Variants in STOML3 observed in about 807,000 individuals in gnomAD.
STOML3 encodes the protein stomatin like 3, also known as stomatin-like protein 3.
In STOML3, 31 loss-of-function variants were observed where a neutral mutation model predicts 29.5. The observed-to-expected ratio is 1.05, with a 90% CI of 0.79 to 1.42. The LOEUF is 1.42. Among genes scored for constraint, STOML3 ranks in the 40% most tolerant of loss-of-function variants. The probability of loss-of-function intolerance (pLI) is 0.00; values close to 1 mark genes in which losing one functional copy is unlikely to be tolerated. For missense variants in STOML3, 380 were observed against 363.0 expected (o/e 1.05, Z -0.38); for synonymous variants, 122 against 139.8 (o/e 0.87, Z 0.90).
At chr13:38,971,885 A>T (rs9315641) in intron 4 of STOML3, among the ~76,000 whole-genome samples, 57,131 of 151,916 alleles carry the variant, frequency 0.38, 10,955 homozygotes, top group East Asian at 0.52. Context: ...AGATTGCACC[A>T]CTGCACTCCA....
chr13:38,978,387 C>T (rs756844727), intron 1 of STOML3, among the ~76,000 whole-genome samples: 3 of 152,132 alleles, frequency 2.0e-5, no homozygotes, highest in Non-Finnish European at 2.9e-5. Context: ...CTCCTGACCT[C>T]AAGTGATTCT....
chr13:38,975,772 C>A (rs1435825472), intron 3 of STOML3, among the ~76,000 whole-genome samples: 3 of 151,890 alleles, frequency 2.0e-5, no homozygotes, highest in Non-Finnish European at 4.4e-5. Flanking sequence ...AGTTTTAGTA[C>A]CTTATAGTTT....
intron 1 of STOML3, among the ~76,000 whole-genome samples, chr13:38,983,454 T>A (rs1881335274): frequency 6.6e-6 from 1 of 152,228 alleles, no homozygotes; most frequent in Non-Finnish European, 1.5e-5. Flanking sequence ...AATCGGATTC[T>A]AAATATCAAT....
rs1880637264 is a variant in STOML3 at position 38,966,207 on chromosome 13, G to A, written c.*618C>T. 1 of 152,252 alleles carries A rather than the reference G, an allele frequency of 6.6e-6. No individual in the cohort carries two copies. Among genetic ancestry groups the A allele is most frequent in the Admixed American group, 6.5e-5 (1 of 15,284 alleles). 9.4% of individuals were successfully genotyped at this position (152,252 alleles called of 1,614,324 possible). A position where few individuals can be genotyped will look rare whatever the true frequency, so the allele number is the denominator to read the frequency against. On this transcript the variant is annotated 3_prime_UTR_variant, in exon 7 of 7. Coordinates refer to ENST00000379631, the MANE Select transcript of STOML3 (RefSeq NM_145286.3). The stretch of plus-strand genomic sequence containing the variant: ...CCTCTGATAATGGTGCTGGAAGGTG[G>A]AGAGTTGGCCACTCCCTGCAGGACA...
At chr13:38,978,825 T>G (rs1362333029) in intron 1 of STOML3, among the ~76,000 whole-genome samples, 1 of 152,204 alleles carries the variant, frequency 6.6e-6, no homozygotes, top group African/African-American at 2.4e-5. Flanking sequence ...TTTGCTCTTA[T>G]AAGCGATGTT....
At chr13:38,968,595 G>C (rs1476718765) in intron 5 of STOML3, 61 bp from the exon 6 acceptor site, 3 of 1,586,966 alleles carry the variant, frequency 1.9e-6, no homozygotes, top group Non-Finnish European at 2.6e-6. Context: ...GTATGTTTCT[G>C]ATATGTTTTA....
Position 38,970,327 on chromosome 13 carries a change from C to T in STOML3, c.374G>A (p.Ser125Asn), listed in dbSNP as rs775188729. ...GACATTAGCCACTGCTGAGACAGCA[C>T]TATAGATTCTGTAATAGACAACTCC... ...VDGVVYYRIY[S>N]AVSAVANVND... Residue 125 changes from serine to asparagine, a missense_variant, in exon 5 of 7, where the codon AGT becomes AAT. Physicochemically the swap from Ser to Asn is conservative, Grantham distance 46 (BLOSUM62 1). Transcript: ENST00000379631. 2 of 1,614,154 alleles carry T rather than the reference C, an allele frequency of 1.2e-6. No homozygotes were observed. The highest frequency in any genetic ancestry group is 2.2e-5 in the South Asian group (2 of 91,088).
intron 1 of STOML3, among the ~76,000 whole-genome samples, chr13:38,977,216 T>C (rs1169046887): frequency 6.6e-6 from 1 of 152,218 alleles, no homozygotes; most frequent in Non-Finnish European, 1.5e-5. Context: ...AGGTAAGTAC[T>C]ATTATCCCCA....
intron 3 of STOML3, among the ~76,000 whole-genome samples, chr13:38,972,986 C>T (rs1043207230): frequency 3.3e-5 from 5 of 150,384 alleles, no homozygotes; most frequent in Non-Finnish European, 4.4e-5. Flanking sequence ...AGGCTGGGCG[C>T]GGTGGCTCAC....
At chr13:38,986,887 C>G (rs561929351) in intron 1 of STOML3, among the ~76,000 whole-genome samples, 72 of 152,084 alleles carry the variant, frequency 4.7e-4, no homozygotes, top group African/African-American at 1.6e-3. Context: ...GGGGTAGGGG[C>G]TAGGAATCTG....
At chr13:38,988,793 A>C (rs71439792) in intron 1 of STOML3, among the ~76,000 whole-genome samples, 46,227 of 142,052 alleles carry the variant, frequency 0.33, 9,198 homozygotes, top group African/African-American at 0.56. Context: ...ACATATTACA[A>C]GTTATATATT....
chr13:38,970,188 G>A lies in STOML3; in HGVS notation c.513C>T (p.Ile171=). The A allele has an allele frequency of 6.2e-7, 1 of 1,611,800 alleles. No homozygotes were observed. The highest frequency in any genetic ancestry group is 8.5e-7 in the Non-Finnish European group (1 of 1,178,504). ...TATTAGTTCATGGTGTCTTTACCTG[G>A]ATGCTATGGGCGATCTCTTCTCGTC... ...LAGREEIAHS[I]QTLLDDATEL... Residue 171 remains isoleucine (I), a synonymous_variant, in exon 5 of 7, where the codon ATC becomes ATT. Coordinates refer to ENST00000379631, the MANE Select transcript of STOML3 (RefSeq NM_145286.3).
At chr13:38,988,879 A>G (rs1357063129) in intron 1 of STOML3, among the ~76,000 whole-genome samples, 5 of 142,316 alleles carry the variant, frequency 3.5e-5, no homozygotes, top group Admixed American at 7.5e-5. Flanking sequence ...TATAATATAT[A>G]TTATTACATA....
chr13:38,982,479 T>C (rs1881302953), intron 1 of STOML3, among the ~76,000 whole-genome samples: 1 of 152,162 alleles, frequency 6.6e-6, no homozygotes. Context: ...CTTTGGAATA[T>C]AAACATCAAA....
chr13:38,968,304 A>G, intron 6 of STOML3, 96 bp downstream of exon 6: 1 of 1,507,838 alleles, frequency 6.6e-7, no homozygotes, highest in South Asian at 1.3e-5. Flanking sequence ...TTCTCATGCA[A>G]ATAATTGACA....
In STOML3 at chr13:38,966,815, C is replaced by G; in HGVS notation, c.*10G>C. 1 of 1,611,048 alleles carries G rather than the reference C, an allele frequency of 6.2e-7. No individual in the cohort carries two copies. Among genetic ancestry groups the G allele is most frequent in the Non-Finnish European group, 8.5e-7 (1 of 1,178,696 alleles). On this transcript the variant is annotated 3_prime_UTR_variant, in exon 7 of 7. Transcript: ENST00000379631. ...CTCTCTATGCAATAGCTGACTACCG[C>G]AAGAGGACCTCAGGCTTTATTTGGA...
intron 1 of STOML3, among the ~76,000 whole-genome samples, chr13:38,988,487 C>T (rs372475391): frequency 1.3e-4 from 1 of 7,716 alleles, no homozygotes; most frequent in Non-Finnish European, 2.3e-4. Context: ...TATTTTATAT[C>T]ATATATTTTA....
At chr13:38,967,252 T>C (rs936544557) in intron 6 of STOML3, among the ~76,000 whole-genome samples, 4 of 152,102 alleles carry the variant, frequency 2.6e-5, no homozygotes, top group African/African-American at 9.7e-5. Flanking sequence ...AGGAGGGATA[T>C]TGTACAAATC....
At chr13:38,979,689 G>A (rs1472842555) in intron 1 of STOML3, among the ~76,000 whole-genome samples, 1 of 152,008 alleles carries the variant, frequency 6.6e-6, no homozygotes, top group African/African-American at 2.4e-5. Flanking sequence ...TTCTCCTATT[G>A]ATCATTAAGG....
Sources: gnomAD v4.1 joint callset for allele counts (sites outside exome capture counted in the v4.1 genomes callset) on GRCh38, gnomAD v4.1.1 for gene constraint, MANE v1.5 for transcripts, NCBI Gene and HGNC (gene_info 2026-07-23, HGNC 2026-07-21) for gene names.